KIAA1586: variants seen among roughly 807,000 people sequenced by gnomAD.
KIAA1586 encodes the protein KIAA1586.
KIAA1586 carries 5 observed loss-of-function variants against 6.1 expected under a neutral mutation model. That is an observed-to-expected ratio of 0.82 (90% CI 0.43 to 1.73). The LOEUF is 1.73. Ranked by LOEUF, KIAA1586 falls within the 40% of genes most tolerant of loss-of-function variation. The pLI is 0.02. For missense variants in KIAA1586, 899 were observed against 878.2 expected (o/e 1.02, Z -0.30); for synonymous variants, 280 against 301.7 (o/e 0.93, Z 0.75).
rs566961593 is a variant in KIAA1586, at chr6:57,055,108, C to T, written c.*245C>T. On this transcript the variant is annotated 3_prime_UTR_variant, in exon 4 of 4. Coordinates refer to ENST00000370733, the MANE Select transcript of KIAA1586 (RefSeq NM_020931.4). ...ATGAAGTTCTGTACAGAACAAACACCGTTTATAATTTTGTACTGTTTTACT... is the reference window on the plus strand; with the variant it reads ...ATGAAGTTCTGTACAGAACAAACACTGTTTATAATTTTGTACTGTTTTACT... 7 of 262,194 alleles carry T rather than the reference C, an allele frequency of 2.7e-5. No homozygotes were observed. The highest frequency in any genetic ancestry group is 2.0e-4 in the Admixed American group (4 of 20,296). 16.2% of individuals were successfully genotyped at this position (262,194 alleles called of 1,614,324 possible). A position where few individuals can be genotyped will look rare whatever the true frequency, so the allele number is the denominator to read the frequency against.
chr6:57,056,543 T>G (rs893812116), downstream of KIAA1586, among the ~76,000 whole-genome samples: 12 of 114,466 alleles, frequency 1.0e-4, no homozygotes, highest in Non-Finnish European at 2.0e-4. Flanking sequence ...AGAATTAGGG[T>G]TTTTTTTTTT....
At chr6:57,058,000 G>C (rs1167395972), downstream of KIAA1586, among the ~76,000 whole-genome samples, 1 of 151,942 alleles carries the variant, frequency 6.6e-6, no homozygotes, top group African/African-American at 2.4e-5. Context: ...TCCCCATGAT[G>C]CCCAGGCTGG....
chr6:57,050,949 GC>G, intron 3 of KIAA1586, 95 bp downstream of exon 3: 1 of 920,868 alleles, frequency 1.1e-6, no homozygotes, highest in Non-Finnish European at 1.8e-6. Context: ...CTAATTGTTG[GC>G]CAGGCACGGT....
chr6:57,052,677 A>T lies in KIAA1586; in HGVS notation c.187-9A>T. The T allele has an allele frequency of 6.5e-7, 1 of 1,531,218 alleles. No homozygotes were observed. Among genetic ancestry groups the T allele is most frequent in the Non-Finnish European group, 8.8e-7 (1 of 1,140,732 alleles). 94.9% of individuals were successfully genotyped at this position (1,531,218 alleles called of 1,614,324 possible). ...GAATTTTACTTACATATGTAAAATT[A>T]TTTTTCAGATTCTGTTTCCTAAAAT... On this transcript the variant is annotated splice_polypyrimidine_tract_variant and intron_variant, in intron 3 of 3. Transcript: ENST00000370733.
chr6:57,060,981 CTTT>C, the KIAA1586 span, among the ~76,000 whole-genome samples: 1 of 138,310 alleles, frequency 7.2e-6, no homozygotes, highest in African/African-American at 2.6e-5. Context: ...TATGTTCCGC[CTTT>C]TTTTTTTTTT....
the KIAA1586 span, among the ~76,000 whole-genome samples, chr6:57,064,522 T>C: frequency 6.6e-6 from 1 of 152,270 alleles, no homozygotes; most frequent in Admixed American, 6.5e-5. Context: ...ATGTTTTTCA[T>C]GCATTCATCC....
At position 57,046,786 on chromosome 6, in the gene KIAA1586, C is replaced by G. The variant is rs1261850493; in HGVS notation, c.21+10C>G. ...AGACCCGGGGTCGGAAGTGAGTAGT[C>G]GAGTGAGGGTCCTGGCGTTCTCAGA... On this transcript the variant is annotated intron_variant, in intron 1 of 3. Transcript: ENST00000370733. 4 of 1,610,406 alleles carry G rather than the reference C, an allele frequency of 2.5e-6. No homozygotes were observed. The Middle Eastern group carries it at 5.9e-4, about 236-fold the overall frequency.
the KIAA1586 span, among the ~76,000 whole-genome samples, chr6:57,066,226 C>T: frequency 6.6e-6 from 1 of 151,842 alleles, no homozygotes; most frequent in African/African-American, 2.4e-5. Context: ...TTGCAGTGAG[C>T]CAAGATCTCA....
At chr6:57,059,516 G>A (rs912785942), downstream of KIAA1586, among the ~76,000 whole-genome samples, 6 of 151,784 alleles carry the variant, frequency 4.0e-5, no homozygotes, top group African/African-American at 1.2e-4. Flanking sequence ...GCGTGAACCC[G>A]GGAGGCAGAG....
In KIAA1586 at chr6:57,054,220, A is replaced by C. The variant is rs1196970494; in HGVS notation, c.1721A>C (p.Tyr574Ser). 1 of 1,594,498 alleles carries C rather than the reference A, an allele frequency of 6.3e-7. No individual in the cohort carries two copies. The highest frequency in any genetic ancestry group is 1.4e-5 in the African/African-American group (1 of 73,380). Residue 574 changes from tyrosine (Y) to serine (S), a missense_variant, in exon 4 of 4, where the codon TAT becomes TCT. Tyr to Ser is a moderately radical substitution (Grantham distance 144, BLOSUM62 -2). Coordinates refer to ENST00000370733, the MANE Select transcript of KIAA1586 (RefSeq NM_020931.4). ...LENLKIGTGK[Y>S]ESQIEDLIKS... ...AATTTAAAAATTGGTACTGGAAAGT[A>C]TGAATCTCAAATTGAAGATTTGATC...
In KIAA1586 at chr6:57,054,929, C is replaced by A; in HGVS notation, c.*66C>A. ...ACACATCCTTTATATACATAAAGGT[C>A]TTTTTTTTTTTTGGAAAGCCAGTTA... On this transcript the variant is annotated 3_prime_UTR_variant, in exon 4 of 4. Transcript: ENST00000370733. The A allele has an allele frequency of 3.8e-6, 4 of 1,059,950 alleles. No homozygotes were observed. Among genetic ancestry groups the A allele is most frequent in the Non-Finnish European group, 3.7e-6 (3 of 801,672 alleles). 65.7% of individuals were successfully genotyped at this position (1,059,950 alleles called of 1,614,324 possible). A position where few individuals can be genotyped will look rare whatever the true frequency, so the allele number is the denominator to read the frequency against.
chr6:57,048,342 CT>C (rs1344661464), intron 2 of KIAA1586, among the ~76,000 whole-genome samples: 1 of 152,154 alleles, frequency 6.6e-6, no homozygotes, highest in Non-Finnish European at 1.5e-5. Flanking sequence ...TTTAGGGCGA[CT>C]TTGTAAGTCA....
At chr6:57,061,458 T>G in the KIAA1586 span, among the ~76,000 whole-genome samples, 3 of 152,118 alleles carry the variant, frequency 2.0e-5, no homozygotes, top group Non-Finnish European at 4.4e-5. Context: ...AGTGGCACAG[T>G]CATGGCTCAC....
chr6:57,061,299 A>T, the KIAA1586 span, among the ~76,000 whole-genome samples: 1 of 152,132 alleles, frequency 6.6e-6, no homozygotes, highest in Non-Finnish European at 1.5e-5. Flanking sequence ...TAATATCAAG[A>T]TGGCCTGGGA....
At position 57,054,607 on chromosome 6, in the gene KIAA1586, A is replaced by G. The variant is rs1347805184; in HGVS notation, c.2108A>G (p.Asn703Ser). Residue 703 changes from asparagine (N) to serine (S), a missense_variant, in exon 4 of 4, where the codon AAT (asparagine) becomes AGT (serine). Asn to Ser is a conservative substitution (Grantham distance 46). Transcript: ENST00000370733. Reference sequence around the variant, plus strand: ...AAGATAGTTAGCACCATTGCAATCAATAGTGCTGAAGCTGAAAGGGGTTTC... The same window carrying G: ...AAGATAGTTAGCACCATTGCAATCAGTAGTGCTGAAGCTGAAAGGGGTTTC... ...AKKIVSTIAI[N>S]SAEAERGFNL... The G allele has an allele frequency of 1.9e-6, 3 of 1,603,412 alleles. No homozygotes were observed. Among genetic ancestry groups the G allele is most frequent in the African/African-American group, 1.3e-5 (1 of 74,668 alleles).
the KIAA1586 span, among the ~76,000 whole-genome samples, chr6:57,065,837 T>A: frequency 1.3e-5 from 2 of 152,202 alleles, no homozygotes; most frequent in Non-Finnish European, 2.9e-5. Context: ...TTTTTATCTT[T>A]GAATTTCAGT....
At chr6:57,061,000 CAG>C in the KIAA1586 span, among the ~76,000 whole-genome samples, 5 of 143,642 alleles carry the variant, frequency 3.5e-5, no homozygotes, top group African/African-American at 7.8e-5. Context: ...TTTTTTGAAA[CAG>C]AGTCTTCGCT....
intron 2 of KIAA1586, among the ~76,000 whole-genome samples, chr6:57,049,579 G>C (rs976512866): frequency 6.6e-6 from 1 of 152,106 alleles, no homozygotes; most frequent in Admixed American, 6.5e-5. Flanking sequence ...GATACAAAAA[G>C]AGTCCTTATC....
intron 3 of KIAA1586, among the ~76,000 whole-genome samples, chr6:57,051,915 G>C (rs565883620): frequency 2.4e-4 from 37 of 152,240 alleles, no homozygotes; most frequent in Admixed American, 9.8e-4. Context: ...TGGAGTTTAC[G>C]GTGAGCTGAG....
Sources: gnomAD v4.1 joint callset for allele counts (sites outside exome capture counted in the v4.1 genomes callset) on GRCh38, gnomAD v4.1.1 for gene constraint, MANE v1.5 for transcripts, NCBI Gene and HGNC (gene_info 2026-07-23, HGNC 2026-07-21) for gene names.